The following C6orf132 variants were observed in gnomAD, a reference collection of about 807,000 sequenced individuals.
C6orf132 encodes uncharacterized protein C6orf132.
In C6orf132, 43 loss-of-function variants were observed where a neutral mutation model predicts 65.3. The ratio of observed to expected loss-of-function variants is 0.66; its 90% confidence interval spans 0.52 to 0.85. The LOEUF is 0.85. Ranked by LOEUF, C6orf132 falls within the 40% of genes least tolerant of loss-of-function variation. The probability of loss-of-function intolerance (pLI) is 0.00; values close to 1 mark genes in which losing one functional copy is unlikely to be tolerated. For missense variants in C6orf132, 1,488 were observed against 1,548.8 expected (o/e 0.96, Z 0.66); for synonymous variants, 631 against 654.1 (o/e 0.96, Z 0.54).
chr6:42,105,639 G>C lies in C6orf132; in HGVS notation c.2273C>G (p.Thr758Arg), dbSNP rs746470368. 2.0e-6 allele frequency: 3 copies of C among 1,537,212 alleles called. No individual in the cohort carries two copies. Among genetic ancestry groups the C allele is most frequent in the Non-Finnish European group, 2.6e-6 (3 of 1,146,918 alleles). ...TGGCACCTCTCCTCCACCAGGAGAT[G>C]TCTTTGGTGGGAAGGCTGCAGATGA... is the stretch of plus-strand genomic sequence containing the variant. ...ARSSAAFPPK[T>R]SPGGGEVPCL... The change falls in exon 4 of 5, where the codon ACA becomes AGA. Residue 758 changes from threonine to arginine, a missense_variant. By Grantham distance (71) the Thr-to-Arg change is moderately conservative (BLOSUM62 -1). Transcript: ENST00000341865.
chr6:42,104,614 C>G lies in C6orf132; in HGVS notation c.3298G>C (p.Glu1100Gln), dbSNP rs1766356415. The change falls in exon 4 of 5, where the codon GAG becomes CAG. Residue 1100 changes from glutamate (E) to glutamine (Q), a missense_variant. By Grantham distance (29) the Glu-to-Gln change is conservative. Coordinates refer to ENST00000341865, the MANE Select transcript of C6orf132 (RefSeq NM_001164446.3). The surrounding 1 kb of genome is among the most constrained non-coding windows in gnomAD (Gnocchi z 4.1). The stretch of plus-strand genomic sequence containing the variant: ...CCCGCCGAGTTCACGCGCCGCATCT[C>G]GGGGCCTCCGGGCTGCGGCCCGAAG... ...NCFGPQPGGP[E>Q]MRRVNSAGRA... 1.8e-5 allele frequency: 24 copies of G among 1,364,528 alleles called. No individual in the cohort carries two copies. The highest frequency in any genetic ancestry group is 2.3e-5 in the Non-Finnish European group (24 of 1,064,494). The allele number at this position is 1,364,528 out of a possible 1,614,324, so 84.5% of individuals were successfully genotyped here.
chr6:42,107,379 AGCAGCAGGGGAGGTGGTGGGGGT>A lies in C6orf132; in HGVS notation c.510_532del (p.Pro171GlyfsTer35). 1.4e-6 allele frequency: 1 copy of A among 709,892 alleles called. No homozygotes were observed. The highest frequency in any genetic ancestry group is 2.1e-6 in the Non-Finnish European group (1 of 486,830). The allele number at this position is 709,892 out of a possible 1,614,324, so 44.0% of individuals were successfully genotyped here. On this transcript the variant is annotated frameshift_variant, in exon 4 of 5. Coordinates refer to ENST00000341865, the MANE Select transcript of C6orf132 (RefSeq NM_001164446.3). LOFTEE classifies it high-confidence loss of function. ...CATGCTGGGCGGGGGTGGGGGTTCC[AGCAGCAGGGGAGGTGGTGGGGGT>A]GCTGTGGAAGGTGGAGATGGCAGTG...
At chr6:42,126,142 T>C (rs1273855667) in intron 2 of C6orf132, among the ~76,000 whole-genome samples, 17 of 151,990 alleles carry the variant, frequency 1.1e-4, no homozygotes, top group Admixed American at 1.1e-3. Context: ...AGTGCAGTGG[T>C]GCAATCTTGG....
At chr6:42,109,430 C>CAAATAAATAAATAAATAAAT (rs369701799) in intron 3 of C6orf132, among the ~76,000 whole-genome samples, 150 of 151,146 alleles carry the variant, frequency 9.9e-4, no homozygotes, top group African/African-American at 2.6e-3. Flanking sequence ...GACTCCATCT[C>CAAATAAATAAATAAATAAAT]AAATAAATAA....
intron 2 of C6orf132, among the ~76,000 whole-genome samples, chr6:42,121,092 C>G (rs951818468): frequency 6.6e-6 from 1 of 152,202 alleles, no homozygotes; most frequent in African/African-American, 2.4e-5. Context: ...GCTCAGCTTT[C>G]TCATCTGTAA....
At position 42,142,160 on chromosome 6, in the gene C6orf132, C is replaced by T. The variant is rs1032790013; in HGVS notation, c.145+140G>A. On this transcript the variant is annotated intron_variant, in intron 1 of 4. Coordinates refer to ENST00000341865, the MANE Select transcript of C6orf132 (RefSeq NM_001164446.3). ...AGACACCCCTGTGCGGTGCCTCCTC[C>T]CCTGCCCGGCGGCTGCTCTCGGCCA... 5 of 954,624 alleles carry T rather than the reference C, an allele frequency of 5.2e-6. No individual in the cohort carries two copies. In the African/African-American group the frequency reaches 6.6e-5, roughly 13 times the overall value. The allele number at this position is 954,624 out of a possible 1,614,324, so 59.1% of individuals were successfully genotyped here. A position where few individuals can be genotyped will look rare whatever the true frequency, so the allele number is the denominator to read the frequency against.
chr6:42,123,798 C>T (rs1212379932), intron 2 of C6orf132, among the ~76,000 whole-genome samples: 1 of 152,166 alleles, frequency 6.6e-6, no homozygotes, highest in Non-Finnish European at 1.5e-5. Context: ...CCTCCCCTCC[C>T]CAGGCCGCAG....
intron 1 of C6orf132, among the ~76,000 whole-genome samples, chr6:42,141,040 CTCTT>C (rs1209806775): frequency 6.6e-6 from 1 of 152,234 alleles, no homozygotes; most frequent in East Asian, 1.9e-4. Context: ...GAGGTCATCT[CTCTT>C]CTTTGCTTTT....
intron 2 of C6orf132, among the ~76,000 whole-genome samples, chr6:42,110,547 G>A (rs945400416): frequency 1.1e-4 from 16 of 152,136 alleles, no homozygotes; most frequent in Admixed American, 6.5e-5. Flanking sequence ...ATACTGACCC[G>A]TTGCTCCTAG....
intron 1 of C6orf132, among the ~76,000 whole-genome samples, chr6:42,140,846 CT>C (rs1421297628): frequency 6.6e-6 from 1 of 152,226 alleles, no homozygotes; most frequent in African/African-American, 2.4e-5. Flanking sequence ...AATAAATGGT[CT>C]TTCCATGGTG....
chr6:42,102,332 T>A lies in C6orf132; in HGVS notation c.*1429A>T, dbSNP rs1766304031. ...ACCTCCACCTCCTGGGTTCGAGCGATTCTCCTGCCTCAGCGCCCCGAGTAG... is the reference window on the plus strand; with the variant it reads ...ACCTCCACCTCCTGGGTTCGAGCGAATCTCCTGCCTCAGCGCCCCGAGTAG... On this transcript the variant is annotated 3_prime_UTR_variant, in exon 5 of 5. Coordinates refer to ENST00000341865, the MANE Select transcript of C6orf132 (RefSeq NM_001164446.3). 2 of 150,756 alleles carry A rather than the reference T, an allele frequency of 1.3e-5. No individual in the cohort carries two copies. Among genetic ancestry groups the A allele is most frequent in the South Asian group, 4.2e-4 (2 of 4,724 alleles). 9.3% of individuals were successfully genotyped at this position (150,756 alleles called of 1,614,324 possible). A position where few individuals can be genotyped will look rare whatever the true frequency, so the allele number is the denominator to read the frequency against.
Position 42,106,877 on chromosome 6 carries a change from G to A in C6orf132, c.1035C>T (p.His345=). The part of the protein sequence containing the change: ...PSRLPLPPSF[H]IRPASQVYPD... ...GGTAGACCTGGGAGGCGGGGCGGAT[G>A]TGGAAGCTGGGAGGCAGTGGGAGTC... is the stretch of plus-strand genomic sequence containing the variant. The change falls in exon 4 of 5, where the codon CAC becomes CAT. Residue 345 remains histidine (H), a synonymous_variant. Coordinates refer to ENST00000341865, the MANE Select transcript of C6orf132 (RefSeq NM_001164446.3). 2 of 1,535,696 alleles carry A rather than the reference G, an allele frequency of 1.3e-6. No individual in the cohort carries two copies. Among genetic ancestry groups the A allele is most frequent in the African/African-American group, 1.4e-5 (1 of 73,042 alleles).
rs577264618 is a variant in C6orf132 at position 42,140,246 on chromosome 6, C to A, written c.145+2054G>T. Among the ~76,000 whole-genome samples the A allele has an allele frequency of 2.0e-5, 3 of 152,272 alleles. No homozygotes were observed. In the South Asian group the frequency reaches 6.2e-4, roughly 31 times the overall value. ...CTGCCCAGGCTGATGAGGGCAGCAG[C>A]TGGCTGGAGATGACAGGGCACCAGG... On this transcript the variant is annotated intron_variant, in intron 1 of 4. Transcript: ENST00000341865.
chr6:42,104,707 C>G lies in C6orf132; in HGVS notation c.3205G>C (p.Gly1069Arg). 1 of 1,523,000 alleles carries G rather than the reference C, an allele frequency of 6.6e-7. No homozygotes were observed. The allele number at this position is 1,523,000 out of a possible 1,614,324, so 94.3% of individuals were successfully genotyped here. ...AGCCCTGGGCCTCGGTGCGGCTCCC[C>G]GACGTACAGGCGCTTCTTTATGAGC... ...RSLIKKRLYV[G>R]EPHRGPGLPH... is the part of the protein sequence containing the mutation. The change falls in exon 4 of 5, where the codon GGG (glycine) becomes CGG (arginine). Residue 1069 changes from glycine to arginine, a missense_variant. Transcript: ENST00000341865. This position sits in a 1 kb window ranked among gnomAD's most constrained non-coding sequence, Gnocchi z 4.1.
At chr6:42,139,107 T>C (rs1473554653) in intron 1 of C6orf132, among the ~76,000 whole-genome samples, 1 of 152,216 alleles carries the variant, frequency 6.6e-6, no homozygotes, top group African/African-American at 2.4e-5. Flanking sequence ...GAGCAAACAG[T>C]TGATTACTCC....
At chr6:42,136,833 C>A (rs1766950603) in intron 1 of C6orf132, among the ~76,000 whole-genome samples, 1 of 152,028 alleles carries the variant, frequency 6.6e-6, no homozygotes, top group South Asian at 2.1e-4. Context: ...GGAGGAGGGG[C>A]AGGGAGCCAC....
intron 2 of C6orf132, among the ~76,000 whole-genome samples, chr6:42,123,947 G>A (rs1766729045): frequency 6.6e-6 from 1 of 152,198 alleles, no homozygotes; most frequent in South Asian, 2.1e-4. Context: ...GGCGGAAGCA[G>A]AGCTCAAGGA....
intron 2 of C6orf132, among the ~76,000 whole-genome samples, chr6:42,113,137 T>C (rs1248793690): frequency 6.6e-6 from 1 of 152,186 alleles, no homozygotes; most frequent in Non-Finnish European, 1.5e-5. Flanking sequence ...CACACACACA[T>C]GCAAATCACT....
chr6:42,133,674 A>C (rs1766891756), intron 1 of C6orf132, among the ~76,000 whole-genome samples: 1 of 152,116 alleles, frequency 6.6e-6, no homozygotes, highest in South Asian at 2.1e-4. Context: ...AAATAGGGGT[A>C]AATCCAGGTC....
Sources: allele counts gnomAD v4.1 joint callset (sites outside exome capture counted in the v4.1 genomes callset), GRCh38; gene constraint gnomAD v4.1.1; non-coding constraint Gnocchi (gnomAD v3.1); transcripts MANE v1.5; gene names NCBI Gene and HGNC (gene_info 2026-07-23, HGNC 2026-07-21).